Variants in MPPED2 observed in about 807,000 individuals in gnomAD.
MPPED2 encodes metallophosphoesterase MPPED2.
In MPPED2, 5 loss-of-function variants were observed where a neutral mutation model predicts 33.0. The ratio of observed to expected loss-of-function variants is 0.15; its 90% CI spans 0.08 to 0.32. The LOEUF is 0.32. MPPED2 is among the 10% of genes least tolerant of loss of function. The pLI is 1.00. For synonymous variants in MPPED2, 136 were observed against 141.9 expected (o/e 0.96, Z 0.29); for missense variants, 275 against 372.1 (o/e 0.74, Z 2.15).
intron 2 of MPPED2, among the ~76,000 whole-genome samples, chr11:30,572,022 C>G (rs939693961): frequency 2.0e-5 from 3 of 152,142 alleles, no homozygotes; most frequent in Non-Finnish European, 4.4e-5. Flanking sequence ...GATCTGATGG[C>G]TCCTAGTTGC....
chr11:30,432,461 CA>C (rs1459768034), intron 4 of MPPED2, among the ~76,000 whole-genome samples: 1 of 151,750 alleles, frequency 6.6e-6, no homozygotes, highest in Non-Finnish European at 1.5e-5. Flanking sequence ...GCTTTCAAAA[CA>C]AAACAGCCTA....
chr11:30,557,571 G>A (rs975102280), intron 2 of MPPED2, among the ~76,000 whole-genome samples: 2 of 152,072 alleles, frequency 1.3e-5, no homozygotes, highest in Admixed American at 1.3e-4. Context: ...ATGATTGTTA[G>A]TTTCCTTTTG....
intron 4 of MPPED2, among the ~76,000 whole-genome samples, chr11:30,460,594 G>A (rs2133999394): frequency 6.6e-6 from 1 of 152,292 alleles, no homozygotes; most frequent in East Asian, 1.9e-4. Flanking sequence ...CTGCACTCCA[G>A]CCTGGGCAAC....
At chr11:30,572,206 A>C (rs1956726546) in intron 2 of MPPED2, among the ~76,000 whole-genome samples, 4 of 152,198 alleles carry the variant, frequency 2.6e-5, no homozygotes, top group Admixed American at 2.6e-4. Flanking sequence ...CAACAAACAA[A>C]TAAACAAAAA....
At chr11:30,437,344 A>T (rs11031087) in intron 4 of MPPED2, among the ~76,000 whole-genome samples, 32,277 of 152,142 alleles carry the variant, frequency 0.21, 4,179 homozygotes, top group Non-Finnish European at 0.3. Context: ...AAAGTATGTT[A>T]ACTGAACTAG....
At chr11:30,509,462 G>T (rs1026375719) in intron 3 of MPPED2, among the ~76,000 whole-genome samples, 3 of 152,228 alleles carry the variant, frequency 2.0e-5, no homozygotes, top group Admixed American at 2.0e-4. Context: ...TGAGGAAGGT[G>T]CCTGTATTTC....
intron 4 of MPPED2, among the ~76,000 whole-genome samples, chr11:30,468,149 T>C (rs573153677): frequency 6.6e-6 from 1 of 152,140 alleles, no homozygotes; most frequent in Non-Finnish European, 1.5e-5. Context: ...TCTCTACATA[T>C]GGTATCACTT....
In MPPED2 at chr11:30,517,251, C is replaced by T. The variant is rs566753413; in HGVS notation, c.310+18743G>A. 1.5e-4 allele frequency among the ~76,000 whole-genome samples: 23 copies of T among 152,234 alleles called. No individual in the cohort carries two copies. The East Asian group carries it at 4.4e-3, about 29-fold the overall frequency. On this transcript the variant is annotated intron_variant, in intron 3 of 6. Transcript: ENST00000358117. ...CCCTTCAACTCCAAAAGCATTGTTA[C>T]TGCTGACTGGGAAGGCAGGGCACAG...
chr11:30,497,111 G>C (rs1488542362), intron 3 of MPPED2, among the ~76,000 whole-genome samples: 1 of 152,098 alleles, frequency 6.6e-6, no homozygotes, highest in East Asian at 1.9e-4. Flanking sequence ...TATTTGTAAG[G>C]CTATGCTGAA....
intron 4 of MPPED2, among the ~76,000 whole-genome samples, chr11:30,469,171 C>A (rs1163149900): frequency 1.3e-5 from 2 of 152,178 alleles, no homozygotes; most frequent in Non-Finnish European, 2.9e-5. Flanking sequence ...GCAGGCCCTA[C>A]ATTTAATAGT....
intron 3 of MPPED2, among the ~76,000 whole-genome samples, chr11:30,502,528 T>C (rs1361132782): frequency 1.3e-5 from 2 of 152,188 alleles, no homozygotes; most frequent in East Asian, 3.9e-4. Context: ...ATTTCTTATC[T>C]ACAGGCTCCC....
At chr11:30,554,913 T>C (rs1487543493) in intron 2 of MPPED2, among the ~76,000 whole-genome samples, 1 of 152,106 alleles carries the variant, frequency 6.6e-6, no homozygotes, top group Non-Finnish European at 1.5e-5. Context: ...TGATTTCTTG[T>C]CCTCTCCAAA....
At chr11:30,578,367 T>C (rs1340710294) in intron 2 of MPPED2, among the ~76,000 whole-genome samples, 2 of 152,194 alleles carry the variant, frequency 1.3e-5, no homozygotes, top group Non-Finnish European at 2.9e-5. Flanking sequence ...AAGAATCCTC[T>C]ATTCCAAGAT....
At chr11:30,499,206 C>T (rs1438034383) in intron 3 of MPPED2, among the ~76,000 whole-genome samples, 2 of 152,180 alleles carry the variant, frequency 1.3e-5, no homozygotes, top group Non-Finnish European at 2.9e-5. Flanking sequence ...GTTCTCTTCA[C>T]TTCTGCCTTT....
chr11:30,479,016 C>T (rs913872556), intron 4 of MPPED2, among the ~76,000 whole-genome samples: 1 of 152,070 alleles, frequency 6.6e-6, no homozygotes, highest in African/African-American at 2.4e-5. Flanking sequence ...AAAACTTCAG[C>T]TTGCATGCCT....
At chr11:30,412,069 A>G (rs1948129597) in intron 6 of MPPED2, among the ~76,000 whole-genome samples, 1 of 151,916 alleles carries the variant, frequency 6.6e-6, no homozygotes. Flanking sequence ...CACTCAATTT[A>G]CTTATTTATG....
At chr11:30,517,702 A>G (rs1953612010) in intron 3 of MPPED2, among the ~76,000 whole-genome samples, 1 of 151,800 alleles carries the variant, frequency 6.6e-6, no homozygotes, top group African/African-American at 2.4e-5. Context: ...GTAAGCACGG[A>G]CACCCTCATA....
rs1218996031 is a variant in MPPED2 at position 30,410,419 on chromosome 11, GAC to G, written c.*1047_*1048del. ...ATTTTGTGCTAGCGAAGATTGCATC[GAC>G]ACACAGTGCAAAATGGGAGAGGGGA... On this transcript the variant is annotated 3_prime_UTR_variant, in exon 7 of 7. Transcript: ENST00000358117. 61 of 985,092 alleles carry G rather than the reference GAC, an allele frequency of 6.2e-5. No individual in the cohort carries two copies. Among genetic ancestry groups the G allele is most frequent in the Admixed American group, 1.2e-4 (2 of 16,158 alleles). 61.0% of individuals were successfully genotyped at this position (985,092 alleles called of 1,614,324 possible).
intron 3 of MPPED2, among the ~76,000 whole-genome samples, chr11:30,510,857 T>A (rs921993778): frequency 6.6e-6 from 1 of 152,194 alleles, no homozygotes; most frequent in Admixed American, 6.5e-5. Context: ...TTCAAACCCA[T>A]CCAAAGCTTG....
Sources: gnomAD v4.1 joint callset for allele counts (sites outside exome capture counted in the v4.1 genomes callset) on GRCh38, gnomAD v4.1.1 for gene constraint, MANE v1.5 for transcripts, NCBI Gene and HGNC (gene_info 2026-07-23, HGNC 2026-07-21) for gene names.